DSCAML1: variants seen among roughly 807,000 people sequenced by gnomAD.
DSCAML1 encodes cell adhesion molecule DSCAML1.
Under a neutral mutation model 200.5 loss-of-function variants are expected in DSCAML1, and 38 were observed. That is an observed-to-expected ratio of 0.19 (90% CI 0.15 to 0.25). DSCAML1 has a LOEUF of 0.25. Ranked by LOEUF, DSCAML1 falls within the 10% of genes least tolerant of loss-of-function variation. The pLI, the probability that DSCAML1 is intolerant of heterozygous loss-of-function variation, is 1.00. For synonymous variants in DSCAML1, 1,215 were observed against 1,165.0 expected (o/e 1.04, Z -0.87); for missense variants, 2,223 against 2,858.8 (o/e 0.78, Z 5.07).
chr11:117,467,502 C>T (rs1306859614), intron 16 of DSCAML1, among the ~76,000 whole-genome samples: 1 of 152,124 alleles, frequency 6.6e-6, no homozygotes, highest in South Asian at 2.1e-4. Flanking sequence ...AGTAAAACAG[C>T]ACTACTGTTT....
At chr11:117,490,423 A>G (rs1021766865) in intron 11 of DSCAML1, among the ~76,000 whole-genome samples, 1 of 152,112 alleles carries the variant, frequency 6.6e-6, no homozygotes, top group African/African-American at 2.4e-5. Context: ...ACCAACCCCC[A>G]GGCGTGGAGG....
At chr11:117,451,651 T>TA (rs1343808271) in intron 19 of DSCAML1, among the ~76,000 whole-genome samples, 2 of 151,942 alleles carry the variant, frequency 1.3e-5, no homozygotes, top group Non-Finnish European at 2.9e-5. Context: ...CCTGTCTCTA[T>TA]AAAAAATACA....
At chr11:117,792,233 C>T (rs1370636294) in intron 1 of DSCAML1, among the ~76,000 whole-genome samples, 1 of 152,148 alleles carries the variant, frequency 6.6e-6, no homozygotes, top group Non-Finnish European at 1.5e-5. Flanking sequence ...TGGGCCAGGC[C>T]CCTTCTGGAT....
chr11:117,641,407 T>C (rs1398725401), intron 3 of DSCAML1, among the ~76,000 whole-genome samples: 1 of 152,224 alleles, frequency 6.6e-6, no homozygotes, highest in African/African-American at 2.4e-5. Context: ...GTTAGTTGCC[T>C]GCATCCAAGA....
intron 17 of DSCAML1, 76 bp downstream of exon 17, chr11:117,464,866 C>T (rs1368316930): frequency 6.8e-5 from 107 of 1,568,940 alleles, no homozygotes; most frequent in Middle Eastern, 2.3e-4. Flanking sequence ...CAGAGGGACC[C>T]ACAAACCCTC....
intron 3 of DSCAML1, among the ~76,000 whole-genome samples, chr11:117,620,600 C>T (rs899986125): frequency 3.9e-5 from 6 of 152,204 alleles, no homozygotes; most frequent in Non-Finnish European, 5.9e-5. Flanking sequence ...CCTTCTCCTG[C>T]GGCTGTCCTC....
At chr11:117,650,343 G>C (rs2052604934) in intron 3 of DSCAML1, among the ~76,000 whole-genome samples, 1 of 152,162 alleles carries the variant, frequency 6.6e-6, no homozygotes, top group Non-Finnish European at 1.5e-5. Context: ...ATAGGGCCCG[G>C]GTTTCTTCTG....
intron 1 of DSCAML1, among the ~76,000 whole-genome samples, chr11:117,805,773 G>A (rs2055703174): frequency 6.6e-6 from 1 of 152,204 alleles, no homozygotes; most frequent in Non-Finnish European, 1.5e-5. Flanking sequence ...CCCGATCCCT[G>A]GAAAGTCTAG....
intron 3 of DSCAML1, among the ~76,000 whole-genome samples, chr11:117,567,501 T>A (rs962002921): frequency 2.0e-5 from 3 of 152,204 alleles, no homozygotes; most frequent in African/African-American, 7.2e-5. Flanking sequence ...ATGAGTAGGT[T>A]GTGAAAATTT....
chr11:117,644,780 G>A (rs761124058), intron 3 of DSCAML1, among the ~76,000 whole-genome samples: 1 of 152,196 alleles, frequency 6.6e-6, no homozygotes, highest in Non-Finnish European at 1.5e-5. Flanking sequence ...GCCCCTGTGC[G>A]GTAGACTCCA....
chr11:117,556,928 G>A (rs1486978076), intron 3 of DSCAML1, among the ~76,000 whole-genome samples: 2 of 152,202 alleles, frequency 1.3e-5, no homozygotes, highest in Non-Finnish European at 2.9e-5. Flanking sequence ...CTGGTGGGGT[G>A]GAGGATGCTA....
chr11:117,714,590 G>A (rs2053913294), intron 3 of DSCAML1, among the ~76,000 whole-genome samples: 1 of 152,134 alleles, frequency 6.6e-6, no homozygotes, highest in Non-Finnish European at 1.5e-5. Flanking sequence ...GCCGAGGCAG[G>A]TGATACACCT....
At chr11:117,573,648 C>T (rs1445699365) in intron 3 of DSCAML1, among the ~76,000 whole-genome samples, 1 of 152,218 alleles carries the variant, frequency 6.6e-6, no homozygotes. Context: ...AGCCTCCTGT[C>T]GCCGACCACT....
chr11:117,630,128 A>T (rs2052139393), intron 3 of DSCAML1, among the ~76,000 whole-genome samples: 1 of 152,162 alleles, frequency 6.6e-6, no homozygotes, highest in Admixed American at 6.5e-5. Context: ...AAAGCGCGAG[A>T]TGTCACCCCT....
At position 117,463,172 on chromosome 11, in the gene DSCAML1, C is replaced by T. The variant is rs2048514394; in HGVS notation, c.3266-1576G>A. On this transcript the variant is annotated intron_variant, in intron 17 of 32. Transcript: ENST00000651296. This position sits in a 1 kb window ranked among gnomAD's most constrained non-coding sequence, Gnocchi z 4.0. ...AGCAAAAGGGAGGCACAAGGTGAAG[C>T]AGGAAGGCTATGGGAATCAGAGATT... 6.6e-6 allele frequency among the ~76,000 whole-genome samples: 1 copy of T among 152,304 alleles called. No homozygotes were observed. The highest frequency in any genetic ancestry group is 1.9e-4 in the East Asian group (1 of 5,176).
intron 3 of DSCAML1, among the ~76,000 whole-genome samples, chr11:117,696,797 C>T (rs868838628): frequency 2.0e-5 from 3 of 152,196 alleles, no homozygotes; most frequent in Non-Finnish European, 4.4e-5. Context: ...GTTACAACCA[C>T]GAGCTTAGTG....
intron 3 of DSCAML1, among the ~76,000 whole-genome samples, chr11:117,775,480 G>A (rs2055114273): frequency 6.6e-6 from 1 of 152,170 alleles, no homozygotes; most frequent in African/African-American, 2.4e-5. Flanking sequence ...CTGTCTTCCA[G>A]GAGCTTCGAA....
rs768340850 is a variant in DSCAML1 at position 117,532,392 on chromosome 11, T to C, written c.642A>G (p.Ala214=). The C allele has an allele frequency of 7.4e-6, 12 of 1,613,886 alleles. No individual in the cohort carries two copies. Among genetic ancestry groups the C allele is most frequent in the Non-Finnish European group, 1.0e-5 (12 of 1,179,908 alleles). The change falls in exon 4 of 33, where the codon GCA becomes GCG. Residue 214 remains alanine, a synonymous_variant. Coordinates refer to ENST00000651296, the MANE Select transcript of DSCAML1 (RefSeq NM_020693.4). ...CTCCCCTACCTGTCACAGAGAGGCG[T>C]GCCCCATTGCTCTGCCGGGTCTCCC... ...YSGETRQSNG[A]RLSVTDPAES... is the part of the protein sequence containing the mutation.
intron 3 of DSCAML1, among the ~76,000 whole-genome samples, chr11:117,616,172 C>T (rs1364335229): frequency 1.3e-5 from 2 of 152,154 alleles, no homozygotes; most frequent in African/African-American, 4.8e-5. Flanking sequence ...ATTCCAGTGT[C>T]TTCTAGTGAT....
Sources: gnomAD v4.1 joint callset for allele counts (sites outside exome capture counted in the v4.1 genomes callset) on GRCh38, gnomAD v4.1.1 for gene constraint, Gnocchi (gnomAD v3.1) non-coding constraint, MANE v1.5 for transcripts, NCBI Gene and HGNC (gene_info 2026-07-23, HGNC 2026-07-21) for gene names.